Variants in TAMM41 observed in about 807,000 individuals in gnomAD.
TAMM41 encodes phosphatidate cytidylyltransferase, mitochondrial.
TAMM41 carries 36 observed loss-of-function variants against 44.1 expected under a neutral mutation model. The observed-to-expected ratio is 0.82, with a 90% CI of 0.63 to 1.08. TAMM41 has a LOEUF of 1.08. Among genes scored for constraint, TAMM41 ranks in the 50% least tolerant of loss-of-function variants. TAMM41 has a pLI of 0.00. For synonymous variants in TAMM41, 164 were observed against 153.1 expected, an observed-to-expected ratio of 1.07 and a Z score of -0.53; for missense variants, 417 against 404.3, an observed-to-expected ratio of 1.03 and a Z score of -0.27.
chr3:11,761,712 C>T, the TAMM41 span, among the ~76,000 whole-genome samples: 2 of 151,730 alleles, frequency 1.3e-5, no homozygotes, highest in Admixed American at 1.3e-4. Flanking sequence ...TTTGGGAGGC[C>T]GAGGCGGGTG....
chr3:11,745,421 C>T, the TAMM41 span, among the ~76,000 whole-genome samples: 3 of 152,122 alleles, frequency 2.0e-5, no homozygotes, highest in African/African-American at 7.2e-5. Context: ...AAGGTGGAAG[C>T]AAAGCAAATG....
the TAMM41 span, among the ~76,000 whole-genome samples, chr3:11,767,845 G>A: frequency 1.3e-5 from 2 of 150,686 alleles, no homozygotes; most frequent in African/African-American, 2.4e-5. Flanking sequence ...GGCTGGCCTC[G>A]AACTCCTGAC....
At chr3:11,748,381 C>T in the TAMM41 span, among the ~76,000 whole-genome samples, 3 of 151,912 alleles carry the variant, frequency 2.0e-5, no homozygotes, top group Non-Finnish European at 4.4e-5. Flanking sequence ...CTCCCAGGTT[C>T]AAACAATTCT....
intron 7 of TAMM41, among the ~76,000 whole-genome samples, chr3:11,798,701 A>G (rs2077671073): frequency 6.6e-6 from 1 of 152,170 alleles, no homozygotes. Flanking sequence ...GAGGTTCTGA[A>G]ACTTACTGTG....
intron 3 of TAMM41, among the ~76,000 whole-genome samples, chr3:11,831,203 C>T (rs1040855081): frequency 6.6e-6 from 1 of 152,108 alleles, no homozygotes; most frequent in African/African-American, 2.4e-5. Flanking sequence ...CTGGAGAACT[C>T]GTTAAAATGT....
the TAMM41 span, among the ~76,000 whole-genome samples, chr3:11,777,215 C>T: frequency 1.3e-5 from 2 of 152,126 alleles, no homozygotes; most frequent in African/African-American, 2.4e-5. Flanking sequence ...TGTATACATA[C>T]ATCAAATCAT....
intron 4 of TAMM41, among the ~76,000 whole-genome samples, chr3:11,822,938 T>C (rs912493341): frequency 3.9e-5 from 6 of 152,242 alleles, no homozygotes; most frequent in South Asian, 2.1e-4. Flanking sequence ...TGTTTAACAT[T>C]TGGAGGAACT....
rs746962466 is a variant in TAMM41 at position 11,809,549 on chromosome 3, T to G, written c.842A>C (p.His281Pro). ...DVEETLFQVAHDPDCGDVVRL... is the reference protein window; with the variant it reads ...DVEETLFQVAPDPDCGDVVRL... ...CACCACATCTCCACAGTCGGGATCA[T>G]GAGCCACTTGGAATAAAGTTTCTTC... Residue 281 changes from histidine to proline, a missense_variant, in exon 6 of 8, where the codon CAT (histidine) becomes CCT (proline). Coordinates refer to ENST00000455809, the MANE Select transcript of TAMM41 (RefSeq NM_001284401.2). 6.2e-7 allele frequency: 1 copy of G among 1,614,054 alleles called. No individual in the cohort carries two copies. The highest frequency in any genetic ancestry group is 1.3e-5 in the African/African-American group (1 of 74,918).
At chr3:11,807,490 G>A (rs1214871223) in intron 7 of TAMM41, 2 of 1,536,118 alleles carry the variant, frequency 1.3e-6, no homozygotes, top group Admixed American at 2.0e-5. Context: ...AGAAGGGGAA[G>A]AGGAGGGGGA....
At position 11,844,060 on chromosome 3, in the gene TAMM41, T is replaced by C; in HGVS notation, c.287A>G (p.Tyr96Cys). 1 of 1,614,144 alleles carries C rather than the reference T, an allele frequency of 6.2e-7. No individual in the cohort carries two copies. Among genetic ancestry groups the C allele is most frequent in the Non-Finnish European group, 8.5e-7 (1 of 1,180,018 alleles). The change falls in exon 2 of 8, where the codon TAC (tyrosine) becomes TGC (cysteine). Residue 96 changes from tyrosine to cysteine, a missense_variant. By Grantham distance (194) the Tyr-to-Cys change is radical. Transcript: ENST00000455809. ...SIQNNYGAGV[Y>C]YNSLIMCNGR... ...ATTACACATGATCAATGAATTGTAG[T>C]AAACTCCAGCGCCATAGTTATTCTG...
chr3:11,835,777 TC>T (rs1449319309), intron 3 of TAMM41, among the ~76,000 whole-genome samples: 1 of 152,118 alleles, frequency 6.6e-6, no homozygotes, highest in East Asian at 1.9e-4. Flanking sequence ...TTTCTGAGTG[TC>T]TACTAAGTAC....
chr3:11,797,480 T>C (rs2077633773), intron 7 of TAMM41, among the ~76,000 whole-genome samples: 1 of 152,148 alleles, frequency 6.6e-6, no homozygotes, highest in African/African-American at 2.4e-5. Context: ...CCTCATACCA[T>C]ATACAAAAAT....
At chr3:11,758,365 T>C in the TAMM41 span, among the ~76,000 whole-genome samples, 1 of 152,024 alleles carries the variant, frequency 6.6e-6, no homozygotes, top group East Asian at 1.9e-4. Context: ...TTGTTTTGTT[T>C]TTTTGAGACG....
the TAMM41 span, among the ~76,000 whole-genome samples, chr3:11,733,562 G>A: frequency 8.6e-5 from 13 of 151,004 alleles, no homozygotes; most frequent in Non-Finnish European, 8.9e-5. Context: ...GCACCATCTC[G>A]GCTCACTGCA....
intron 6 of TAMM41, chr3:11,808,420 T>C: frequency 2.0e-6 from 2 of 981,890 alleles, no homozygotes; most frequent in South Asian, 9.4e-5. Flanking sequence ...ATCTTCAGGA[T>C]GGGGAGCTGG....
chr3:11,785,792 T>C (rs1404769044), downstream of TAMM41, among the ~76,000 whole-genome samples: 1 of 152,096 alleles, frequency 6.6e-6, no homozygotes, highest in Non-Finnish European at 1.5e-5. Context: ...ATTTTTTGTT[T>C]ACTTTTTGTA....
At chr3:11,736,312 G>A in the TAMM41 span, among the ~76,000 whole-genome samples, 1 of 152,152 alleles carries the variant, frequency 6.6e-6, no homozygotes. Flanking sequence ...CTGGGCAGGC[G>A]CTTCCCATCC....
At chr3:11,762,855 T>G in the TAMM41 span, among the ~76,000 whole-genome samples, 1 of 151,950 alleles carries the variant, frequency 6.6e-6, no homozygotes, top group South Asian at 2.1e-4. Flanking sequence ...AGGTCAGGAG[T>G]TTGAGACCAG....
At chr3:11,823,829 C>CTTTT (rs35092715) in intron 4 of TAMM41, among the ~76,000 whole-genome samples, 47 of 117,916 alleles carry the variant, frequency 4.0e-4, no homozygotes, top group East Asian at 2.6e-3. Flanking sequence ...CCATGCCCGG[C>CTTTT]TTTTTTTTTT....
Sources: gnomAD v4.1 joint callset for allele counts (sites outside exome capture counted in the v4.1 genomes callset) on GRCh38, gnomAD v4.1.1 for gene constraint, MANE v1.5 for transcripts, NCBI Gene and HGNC (gene_info 2026-07-23, HGNC 2026-07-21) for gene names.